FLNA: variants seen among roughly 807,000 people sequenced by gnomAD.
FLNA encodes filamin A.
Under a neutral mutation model 157.6 loss-of-function variants are expected in FLNA, and 7 were observed. The ratio of observed to expected loss-of-function variants is 0.04; its 90% CI spans 0.03 to 0.08. The LOEUF is 0.08. Among genes scored for constraint, FLNA ranks in the 10% least tolerant of loss-of-function variants. The probability of loss-of-function intolerance (pLI) is 1.00; values close to 1 mark genes in which losing one functional copy is unlikely to be tolerated. For synonymous variants in FLNA, 1,103 were observed against 1,060.8 expected (o/e 1.04, Z -0.77); for missense variants, 1,750 against 2,398.4 (o/e 0.73, Z 5.65).
In FLNA at chrX:154,359,617, C is replaced by T; in HGVS notation, c.4009G>A (p.Gly1337Ser). 3.3e-6 allele frequency: 4 copies of T among 1,210,964 alleles called. No individual in the cohort carries two copies. Among genetic ancestry groups the T allele is most frequent in the South Asian group, 1.8e-5 (1 of 57,013 alleles). The change falls in exon 24 of 48, where the codon GGC (glycine) becomes AGC (serine). Residue 1337 changes from glycine to serine, a missense_variant. Transcript: ENST00000369850. The part of the protein sequence containing the change: ...GLHSVDVTYD[G>S]SPVPSSPFQV... ...AAGGGGCTGCTGGGCACGGGACTGC[C>T]GTCATAGGTCACGTCCACGGAGTGC...
intron 19 of FLNA, 74 bp downstream of exon 19, chrX:154,361,905 C>T (rs966790623): frequency 1.8e-6 from 2 of 1,138,783 alleles, no homozygotes; most frequent in Non-Finnish European, 2.4e-6. Flanking sequence ...GGCAGAAAGT[C>T]CCTCGGAGCT....
At position 154,349,681 on chromosome X, in the gene FLNA, A is replaced by G. The variant is rs863223626; in HGVS notation, c.7520T>C (p.Ile2507Thr). 8 of 1,210,435 alleles carry G rather than the reference A, an allele frequency of 6.6e-6. No homozygotes were observed. The highest frequency in any genetic ancestry group is 2.2e-5 in the Admixed American group (1 of 45,990). ...ISIKYGGPYH[I>T]GGSPFKAKVT... ...TTTGGCCTTGAAGGGGCTGCCCCCA[A>G]TGTGGTAGGGGCCGCCGTACTTGAT... The change falls in exon 46 of 48, where the codon ATT becomes ACT. Residue 2507 changes from isoleucine (I) to threonine (T), a missense_variant. This residue lies in a region of FLNA where 970 missense variants were observed against 1,302.6 expected (regional missense o/e 0.74). Transcript: ENST00000369850.
At chrX:154,365,000 C>T (rs1227774402) in intron 11 of FLNA, 43 bp from the exon 12 acceptor site, 2 of 1,208,884 alleles carry the variant, frequency 1.7e-6, no homozygotes, top group Non-Finnish European at 2.2e-6. Context: ...AGGATCACCA[C>T]ATGAGCCAGC....
At position 154,349,581 on chromosome X, in the gene FLNA, G is replaced by A; in HGVS notation, c.7553-16C>T. ...AGACGGGGGCCTGCAAGGCAGAGTG[G>A]GTGGGGCTAAGAGGTGGCTGTGGTG... On this transcript the variant is annotated splice_polypyrimidine_tract_variant and intron_variant, in intron 46 of 47. Coordinates refer to ENST00000369850, the MANE Select transcript of FLNA (RefSeq NM_001110556.2). 1 of 1,210,970 alleles carries A rather than the reference G, an allele frequency of 8.3e-7. No homozygotes were observed. The highest frequency in any genetic ancestry group is 1.1e-6 in the Non-Finnish European group (1 of 894,261).
rs1057523340 is a variant in FLNA at position 154,360,336 on chromosome X, G to A, written c.3459C>T (p.His1153=). 2.5e-6 allele frequency: 3 copies of A among 1,211,737 alleles called. No homozygotes were observed. Among genetic ancestry groups the A allele is most frequent in the Admixed American group, 2.2e-5 (1 of 46,196 alleles). ...THIPGSPFKA[H]VVPCFDASKV... Reference sequence around the variant, plus strand: ...TGGATGCGTCAAAGCAGGGAACCACGTGGGCCTTGAATGGGGAGCCAGGGA... The same window carrying A: ...TGGATGCGTCAAAGCAGGGAACCACATGGGCCTTGAATGGGGAGCCAGGGA... Residue 1153 remains histidine, a synonymous_variant, in exon 22 of 48, where the codon CAC becomes CAT. Transcript: ENST00000369850.
At chrX:154,350,512 C>T (rs376531715) in intron 44 of FLNA, 9 of 398,459 alleles carry the variant, frequency 2.3e-5, no homozygotes, top group Middle Eastern at 6.9e-4. Flanking sequence ...GGCTCAGAGA[C>T]GGGCAGGAAC....
At chrX:154,367,123 T>C (rs1257925223) in intron 5 of FLNA, among the ~76,000 whole-genome samples, 1 of 112,247 alleles carries the variant, frequency 8.9e-6, no homozygotes, top group Non-Finnish European at 1.9e-5. Flanking sequence ...TCCCTGTTAC[T>C]GAGACCTGGT....
intron 2 of FLNA, among the ~76,000 whole-genome samples, chrX:154,368,564 G>A (rs2067780591): frequency 8.9e-6 from 1 of 112,389 alleles, no homozygotes; most frequent in Non-Finnish European, 1.9e-5. Context: ...GGAAGAGGAA[G>A]GTGGGTGGCC....
chrX:154,367,614 A>T, intron 4 of FLNA, 27 bp downstream of exon 4: 1 of 1,210,475 alleles, frequency 8.3e-7, no homozygotes, highest in Non-Finnish European at 1.1e-6. Flanking sequence ...GGTCCCCTAC[A>T]GCTGTAGCCA....
intron 13 of FLNA, 32 bp downstream of exon 13, chrX:154,364,494 C>A: frequency 8.3e-7 from 1 of 1,203,612 alleles, no homozygotes; most frequent in Non-Finnish European, 1.1e-6. Flanking sequence ...AGCAGCAGGG[C>A]GAGACTTAGG....
chrX:154,358,962 C>T, intron 26 of FLNA, 22 bp downstream of exon 26: 1 of 1,208,867 alleles, frequency 8.3e-7, no homozygotes. Flanking sequence ...TGACCCCTGG[C>T]TCCAGGCATG....
chrX:154,374,318 G>A (rs1057080011), intron 1 of FLNA, among the ~76,000 whole-genome samples, 188 bp downstream of exon 1: 2 of 112,536 alleles, frequency 1.8e-5, no homozygotes, highest in African/African-American at 6.5e-5. Flanking sequence ...GCTATTCTCT[G>A]GACACTCACT....
At chrX:154,373,024 T>C (rs1557180691) in intron 1 of FLNA, among the ~76,000 whole-genome samples, 1 of 111,363 alleles carries the variant, frequency 9.0e-6, no homozygotes, top group African/African-American at 3.3e-5. Context: ...CCCCTGTATA[T>C]TGTCCCCTCT....
Position 154,367,636 on chromosome X carries a change from T to A in FLNA, c.720+5A>T, listed in dbSNP as rs1569551860. On this transcript the variant is annotated splice_donor_5th_base_variant and intron_variant, in intron 4 of 47. Transcript: ENST00000369850. Reference sequence around the variant, plus strand: ...TACAGCTGTAGCCAGGCCGGGCGGGTGTACCTGGGGGATGCCCAGCCAGTC... The same window carrying A: ...TACAGCTGTAGCCAGGCCGGGCGGGAGTACCTGGGGGATGCCCAGCCAGTC... The A allele has an allele frequency of 4.1e-6, 5 of 1,210,583 alleles. No individual in the cohort carries two copies. Among genetic ancestry groups the A allele is most frequent in the Non-Finnish European group, 5.6e-6 (5 of 894,900 alleles).
rs200278701 is a variant in FLNA at position 154,366,214 on chromosome X, C to T, written c.1239G>A (p.Thr413=). The T allele has an allele frequency of 2.1e-4, 251 of 1,209,541 alleles. 1 individual carries two copies. The African/African-American group carries it at 3.1e-3, about 15-fold the overall frequency. ...YFEIFTAGAG[T]GEVEVVIQDP... Reference sequence around the variant, plus strand: ...CCTGGATCACAACCTCGACCTCGCCCGTGCCAGCTCCTGCCACGAGGCACC... The same window carrying T: ...CCTGGATCACAACCTCGACCTCGCCTGTGCCAGCTCCTGCCACGAGGCACC... The change falls in exon 9 of 48, where the codon ACG becomes ACA. Residue 413 remains threonine, a synonymous_variant. Transcript: ENST00000369850.
Position 154,364,429 on chromosome X carries a change from C to T in FLNA, c.2023-57G>A. The T allele has an allele frequency of 6.7e-6, 8 of 1,192,475 alleles. No homozygotes were observed. In the South Asian group the frequency reaches 1.1e-4, roughly 16 times the overall value. On this transcript the variant is annotated intron_variant, in intron 13 of 47. Coordinates refer to ENST00000369850, the MANE Select transcript of FLNA (RefSeq NM_001110556.2). ...CAGGTCCAGGCTGCCAGAGCTACAA[C>T]CCAGGCAGGGTGGCCAGGGACACAG...
At chrX:154,353,246 C>T in intron 37 of FLNA, 42 bp from the exon 38 acceptor site, 1 of 1,210,232 alleles carries the variant, frequency 8.3e-7, no homozygotes, top group Non-Finnish European at 1.1e-6. Flanking sequence ...GGGCATGGCT[C>T]CCCACAGGCT....
intron 5 of FLNA, 75 bp from the exon 6 acceptor site, chrX:154,366,925 C>T (rs1379920098): frequency 1.2e-6 from 1 of 806,471 alleles, no homozygotes; most frequent in African/African-American, 2.0e-5. Context: ...TTCAGCCCTC[C>T]CTGCTGGCCC....
At chrX:154,353,771 C>G (rs1569551498) in intron 35 of FLNA, 44 bp from the exon 36 acceptor site, 1 of 1,198,409 alleles carries the variant, frequency 8.3e-7, no homozygotes. Context: ...GCTGGGGACA[C>G]TCCAGTTGGC....
Sources: gnomAD v4.1 joint callset for allele counts (sites outside exome capture counted in the v4.1 genomes callset) on GRCh38, gnomAD v4.1.1 for gene constraint, gnomAD v4.1.1 regional missense constraint, MANE v1.5 for transcripts, NCBI Gene and HGNC (gene_info 2026-07-23, HGNC 2026-07-21) for gene names.